The following RANBP17 variants were observed in gnomAD, a reference collection of about 807,000 sequenced individuals.
The protein encoded by RANBP17 is RAN binding protein 17.
A neutral mutation model predicts 141.2 loss-of-function variants in RANBP17; 158 were observed. The observed-to-expected ratio is 1.12, with a 90% CI of 0.98 to 1.28. RANBP17 has a LOEUF of 1.28. Ranked by LOEUF, RANBP17 falls within the 50% of genes most tolerant of loss-of-function variation. The pLI, the probability that RANBP17 is intolerant of heterozygous loss-of-function variation, is 0.00. For missense variants in RANBP17, 1,438 were observed against 1,290.7 expected, an observed-to-expected ratio of 1.11 and a Z score of -1.75; for synonymous variants, 430 against 450.0, an observed-to-expected ratio of 0.96 and a Z score of 0.56.
At chr5:171,110,564 C>T (rs1444896364) in intron 14 of RANBP17, among the ~76,000 whole-genome samples, 2 of 152,134 alleles carry the variant, frequency 1.3e-5, no homozygotes, top group Non-Finnish European at 2.9e-5. Context: ...AACTGTGGCC[C>T]TGTACATTAT....
At chr5:170,928,157 T>C (rs1329606314) in intron 12 of RANBP17, among the ~76,000 whole-genome samples, 3 of 152,098 alleles carry the variant, frequency 2.0e-5, no homozygotes, top group Non-Finnish European at 4.4e-5. Flanking sequence ...GTATTTCTTA[T>C]TTTGTGAAAA....
intron 14 of RANBP17, among the ~76,000 whole-genome samples, chr5:170,981,985 C>T (rs2127552071): frequency 6.6e-6 from 1 of 152,188 alleles, no homozygotes; most frequent in South Asian, 2.1e-4. Context: ...CTTACCTGTC[C>T]CAGCACAACT....
chr5:171,054,007 G>A (rs1448313976), intron 14 of RANBP17, among the ~76,000 whole-genome samples: 2 of 146,878 alleles, frequency 1.4e-5, no homozygotes, highest in Non-Finnish European at 1.5e-5. Context: ...GTCTTTCTTT[G>A]TCTCATGATA....
chr5:171,286,173 G>T (rs1364949192), intron 25 of RANBP17, among the ~76,000 whole-genome samples: 1 of 152,204 alleles, frequency 6.6e-6, no homozygotes, highest in African/African-American at 2.4e-5. Flanking sequence ...GCAGAGTGGG[G>T]GATGCTTTTA....
intron 14 of RANBP17, among the ~76,000 whole-genome samples, chr5:171,079,422 GAGCAT>G (rs1451439853): frequency 1.3e-5 from 2 of 152,214 alleles, no homozygotes; most frequent in East Asian, 3.8e-4. Context: ...CAAGGTTTGA[GAGCAT>G]TGACTCCAGT....
At chr5:171,079,300 CAAAT>C (rs1472733713) in intron 14 of RANBP17, among the ~76,000 whole-genome samples, 11 of 152,114 alleles carry the variant, frequency 7.2e-5, no homozygotes, top group Admixed American at 7.2e-4. Flanking sequence ...TATGAATAAA[CAAAT>C]AAAATGGTAT....
chr5:171,032,254 A>G (rs1474456021), intron 14 of RANBP17, among the ~76,000 whole-genome samples: 4 of 152,142 alleles, frequency 2.6e-5, no homozygotes, highest in Non-Finnish European at 4.4e-5. Flanking sequence ...GCTCATGGCA[A>G]ATGTACTCAT....
intron 3 of RANBP17, among the ~76,000 whole-genome samples, chr5:170,886,877 G>C (rs1485698936): frequency 6.6e-6 from 1 of 151,768 alleles, no homozygotes; most frequent in Non-Finnish European, 1.5e-5. Context: ...TGCTCAGGCT[G>C]GTCTTGAACT....
At chr5:170,936,355 C>G (rs571463043) in intron 12 of RANBP17, among the ~76,000 whole-genome samples, 1 of 152,166 alleles carries the variant, frequency 6.6e-6, no homozygotes, top group Admixed American at 6.5e-5. Flanking sequence ...CTGTCTTCTG[C>G]GTCAGTCTCT....
chr5:170,975,790 C>G (rs1376840016), intron 14 of RANBP17, among the ~76,000 whole-genome samples: 3 of 151,966 alleles, frequency 2.0e-5, no homozygotes, highest in African/African-American at 7.2e-5. Flanking sequence ...TTCTTTTTCT[C>G]TCTGTCCTTT....
chr5:171,190,044 GA>G (rs147684648), intron 18 of RANBP17, among the ~76,000 whole-genome samples: 8 of 150,140 alleles, frequency 5.3e-5, no homozygotes, highest in South Asian at 2.1e-4. Flanking sequence ...AAGAATCACA[GA>G]AAAAAAAACA....
Position 171,097,615 on chromosome 5 carries a change from T to C in RANBP17, c.1711-72515T>C, listed in dbSNP as rs1786788564. On this transcript the variant is annotated intron_variant, in intron 14 of 27. Coordinates refer to ENST00000523189, the MANE Select transcript of RANBP17 (RefSeq NM_022897.5). ...TAACCTGTATGTAGTCTTTTTATTA[T>C]TATTATTATTATTATTATTATTATT... 2.5e-5 allele frequency among the ~76,000 whole-genome samples: 3 copies of C among 121,900 alleles called. No individual in the cohort carries two copies. The South Asian group carries it at 7.7e-4, about 31-fold the overall frequency. The allele number at this position is 121,900 out of a possible 152,430, so 80.0% of individuals were successfully genotyped here. A position where few individuals can be genotyped will look rare whatever the true frequency, so the allele number is the denominator to read the frequency against.
intron 16 of RANBP17, among the ~76,000 whole-genome samples, chr5:171,182,928 A>G (rs1239246644): frequency 1.3e-5 from 2 of 152,226 alleles, no homozygotes; most frequent in African/African-American, 4.8e-5. Context: ...TGTCTTAATT[A>G]TAAAATTCAT....
intron 22 of RANBP17, among the ~76,000 whole-genome samples, chr5:171,225,352 T>G (rs1328632283): frequency 6.6e-6 from 1 of 152,234 alleles, no homozygotes; most frequent in South Asian, 2.1e-4. Flanking sequence ...TACATGCACT[T>G]TACATAGAAT....
intron 14 of RANBP17, among the ~76,000 whole-genome samples, chr5:171,079,765 A>G (rs12108678): frequency 0.018 from 2,709 of 152,342 alleles, 80 homozygotes; most frequent in African/African-American, 0.062. Context: ...GTAATAGACT[A>G]TAGTATCATG....
At chr5:171,190,458 G>C (rs980746242) in intron 18 of RANBP17, among the ~76,000 whole-genome samples, 1 of 152,184 alleles carries the variant, frequency 6.6e-6, no homozygotes. Context: ...CAAAACATGT[G>C]AGAGATGTTG....
intron 24 of RANBP17, among the ~76,000 whole-genome samples, chr5:171,259,853 C>T (rs1024996199): frequency 8.6e-5 from 13 of 151,602 alleles, no homozygotes; most frequent in South Asian, 4.2e-4. Context: ...TGATGGCAGG[C>T]GCCTGTAATC....
intron 14 of RANBP17, among the ~76,000 whole-genome samples, chr5:171,102,080 T>C (rs1787206618): frequency 6.6e-6 from 1 of 152,198 alleles, no homozygotes; most frequent in African/African-American, 2.4e-5. Context: ...TTGGGGTTGC[T>C]CTTCTCAAGG....
intron 14 of RANBP17, among the ~76,000 whole-genome samples, chr5:170,972,845 T>G (rs1259586657): frequency 2.6e-5 from 4 of 152,186 alleles, no homozygotes; most frequent in African/African-American, 9.7e-5. Flanking sequence ...TCTATTGTCA[T>G]TATATGTGCT....
Sources: gnomAD v4.1 joint callset for allele counts (sites outside exome capture counted in the v4.1 genomes callset) on GRCh38, gnomAD v4.1.1 for gene constraint, MANE v1.5 for transcripts, NCBI Gene and HGNC (gene_info 2026-07-23, HGNC 2026-07-21) for gene names.